RBFOX1: variants seen among roughly 807,000 people sequenced by gnomAD.
RBFOX1 encodes the protein RNA binding fox-1 homolog 1.
RBFOX1 carries 8 observed loss-of-function variants against 57.7 expected under a neutral mutation model. The ratio of observed to expected loss-of-function variants is 0.14; its 90% CI spans 0.08 to 0.25. The LOEUF is 0.25. Among genes scored for constraint, RBFOX1 ranks in the 10% least tolerant of loss-of-function variants. RBFOX1 has a pLI of 1.00. For missense variants in RBFOX1, 611 were observed against 548.5 expected (o/e 1.11, Z -1.14); for synonymous variants, 326 against 222.4 (o/e 1.47, Z -4.15).
chr16:6,858,421 G>C (rs1053121812), intron 3 of RBFOX1, among the ~76,000 whole-genome samples: 1 of 152,064 alleles, frequency 6.6e-6, no homozygotes, highest in Non-Finnish European at 1.5e-5. Context: ...TTTAATTGTG[G>C]ACTTGAAGGA....
intron 1 of RBFOX1, among the ~76,000 whole-genome samples, chr16:6,028,103 C>T (rs2095231333): frequency 6.6e-6 from 1 of 152,180 alleles, no homozygotes; most frequent in African/African-American, 2.4e-5. Context: ...TGTCTTGATT[C>T]TGGGTCACTG....
intron 2 of RBFOX1, among the ~76,000 whole-genome samples, chr16:5,586,448 A>T (rs2046831545): frequency 6.6e-6 from 1 of 152,118 alleles, no homozygotes; most frequent in South Asian, 2.1e-4. Context: ...TTTACTTCTG[A>T]CTCAAGTAGA....
At chr16:5,443,030 C>G (rs1192434940) in intron 1 of RBFOX1, among the ~76,000 whole-genome samples, 2 of 152,080 alleles carry the variant, frequency 1.3e-5, no homozygotes, top group Non-Finnish European at 2.9e-5. Flanking sequence ...GTGCCAGGAG[C>G]CACTAGAGAC....
chr16:5,781,290 T>G (rs726240), intron 3 of RBFOX1, among the ~76,000 whole-genome samples: 47,277 of 152,116 alleles, frequency 0.31, 7,797 homozygotes, highest in East Asian at 0.56. Flanking sequence ...GCTTAGAAGC[T>G]TAAGGTTTAT....
At chr16:7,372,333 C>T (rs999916598) in intron 4 of RBFOX1, among the ~76,000 whole-genome samples, 9 of 152,304 alleles carry the variant, frequency 5.9e-5, no homozygotes, top group African/African-American at 1.7e-4. Context: ...ACAGTGTTCA[C>T]CCTGCTTAGG....
At chr16:5,812,458 C>CT (rs35251301) in intron 3 of RBFOX1, among the ~76,000 whole-genome samples, 6,335 of 135,450 alleles carry the variant, frequency 0.047, 429 homozygotes, top group African/African-American at 0.15. Context: ...GTCTTTTTCT[C>CT]TTTTTTTTTT....
chr16:5,856,208 CATATATATGT>C (rs1281371486), intron 3 of RBFOX1, among the ~76,000 whole-genome samples: 28 of 28,534 alleles, frequency 9.8e-4, no homozygotes, highest in African/African-American at 1.5e-3. Context: ...TATATATATA[CATATATATGT>C]ATATATATAT....
chr16:5,283,341 G>T (rs2063317480), intron 1 of RBFOX1, among the ~76,000 whole-genome samples: 1 of 152,170 alleles, frequency 6.6e-6, no homozygotes, highest in Admixed American at 6.5e-5. Context: ...ACCACCTAGT[G>T]GAGCTGTGAG....
chr16:6,497,471 A>G (rs2095801894), intron 2 of RBFOX1, among the ~76,000 whole-genome samples: 2 of 152,152 alleles, frequency 1.3e-5, no homozygotes, highest in Admixed American at 1.3e-4. Context: ...TGTGAACTCT[A>G]GAAGAACAGC....
At chr16:5,335,441 G>T (rs905967721) in intron 1 of RBFOX1, among the ~76,000 whole-genome samples, 1 of 152,202 alleles carries the variant, frequency 6.6e-6, no homozygotes, top group African/African-American at 2.4e-5. Flanking sequence ...GGGGACAGTG[G>T]CTTTGCTGTC....
chr16:7,078,863 CTTTTTTTTT>C (rs57410575), intron 4 of RBFOX1, among the ~76,000 whole-genome samples: 7 of 52,738 alleles, frequency 1.3e-4, no homozygotes, highest in Admixed American at 3.5e-4. Context: ...ATATATATAC[CTTTTTTTTT>C]TTTTTTTTTT....
At chr16:6,183,486 T>TTAAGTAAA (rs147650768) in intron 1 of RBFOX1, among the ~76,000 whole-genome samples, 6 of 140,864 alleles carry the variant, frequency 4.3e-5, no homozygotes, top group African/African-American at 1.6e-4. Context: ...TCTAAAAAAA[T>TTAAGTAAA]TAAATAAATA....
chr16:6,253,699 G>GTGTGTGTGTATATA (rs71145205), intron 1 of RBFOX1, among the ~76,000 whole-genome samples: 21 of 142,412 alleles, frequency 1.5e-4, no homozygotes, highest in Admixed American at 5.7e-4. Flanking sequence ...GTGTGTGTGT[G>GTGTGTGTGTATATA]TATATATATA....
chr16:6,609,440 C>A (rs913141262), intron 2 of RBFOX1, among the ~76,000 whole-genome samples: 1 of 152,078 alleles, frequency 6.6e-6, no homozygotes, highest in African/African-American at 2.4e-5. Flanking sequence ...CTCTGCCTCC[C>A]AGGCTCAATC....
intron 3 of RBFOX1, among the ~76,000 whole-genome samples, chr16:5,659,702 T>C (rs183550232): frequency 1.9e-4 from 29 of 152,274 alleles, no homozygotes; most frequent in African/African-American, 6.5e-4. Flanking sequence ...AAAAGTGACA[T>C]GATTATTTAC....
chr16:6,952,245 C>T lies in RBFOX1; in HGVS notation c.-15-99812C>T, dbSNP rs9924295. Among the ~76,000 whole-genome samples, 1,229 of 152,232 alleles carry T rather than the reference C, an allele frequency of 8.1e-3. 10 individuals are homozygous for T. Among genetic ancestry groups the T allele is most frequent in the African/African-American group, 0.028 (1,142 of 41,510 alleles). On this transcript the variant is annotated intron_variant, in intron 3 of 15. Transcript: ENST00000550418. ...AAAAGAGTAGGACCTTTCCCTGCTA[C>T]GTTTCTGTAGATTTCTGGTTCTAAA...
chr16:7,136,977 C>G (rs1012643427), intron 4 of RBFOX1, among the ~76,000 whole-genome samples: 8 of 152,258 alleles, frequency 5.3e-5, no homozygotes, highest in Admixed American at 5.2e-4. Flanking sequence ...TGCCCATGCC[C>G]TGCCTCCCTG....
At chr16:7,322,188 C>T (rs1384145732) in intron 4 of RBFOX1, among the ~76,000 whole-genome samples, 1 of 152,224 alleles carries the variant, frequency 6.6e-6, no homozygotes, top group Non-Finnish European at 1.5e-5. Context: ...ATCTCCTGTT[C>T]TGAGATGACT....
chr16:7,286,384 A>C (rs867170078), intron 4 of RBFOX1, among the ~76,000 whole-genome samples: 1 of 151,160 alleles, frequency 6.6e-6, no homozygotes, highest in Non-Finnish European at 1.5e-5. Context: ...ATAAAAGCCT[A>C]TCTTGTGAAA....
Sources: gnomAD v4.1 joint callset for allele counts (sites outside exome capture counted in the v4.1 genomes callset) on GRCh38, gnomAD v4.1.1 for gene constraint, MANE v1.5 for transcripts, NCBI Gene and HGNC (gene_info 2026-07-23, HGNC 2026-07-21) for gene names.